Variants in TET2 observed in about 807,000 individuals in gnomAD.
TET2 encodes methylcytosine dioxygenase TET2.
A neutral mutation model predicts 142.9 loss-of-function variants in TET2; 299 were observed. The observed-to-expected ratio is 2.09, with a 90% confidence interval of 1.90 to 2.30. The LOEUF (loss-of-function observed/expected upper bound fraction) is 2.30. TET2 is among the 30% of genes most tolerant of loss of function. TET2 has a pLI of 0.00. For missense variants in TET2, 2,418 were observed against 2,378.0 expected, an observed-to-expected ratio of 1.02 and a Z score of -0.35; for synonymous variants, 819 against 849.0, an observed-to-expected ratio of 0.96 and a Z score of 0.61.
In TET2 at chr4:105,234,636, C is replaced by G. The variant is rs748785984; in HGVS notation, c.694C>G (p.Gln232Glu). The G allele has an allele frequency of 6.2e-7, 1 of 1,613,994 alleles. No homozygotes were observed. Among genetic ancestry groups the G allele is most frequent in the African/African-American group, 1.3e-5 (1 of 74,948 alleles). ...HGELLEKTLS[Q>E]YYPDCVSIAV... ...TGAACTCCTGGAAAAAACACTGTCT[C>G]AATATTATCCAGATTGTGTTTCCAT... is the stretch of plus-strand genomic sequence containing the variant. The change falls in exon 3 of 11, where the codon CAA (glutamine) becomes GAA (glutamate). Residue 232 changes from glutamine to glutamate, a missense_variant. Gln to Glu is a conservative substitution (Grantham distance 29). Transcript: ENST00000380013.
In TET2 at chr4:105,234,500, G is replaced by A. The variant is rs1289529567; in HGVS notation, c.558G>A (p.Glu186=). Residue 186 remains glutamate (E), a synonymous_variant, in exon 3 of 11, where the codon GAG becomes GAA. Transcript: ENST00000380013. ...NPELQILNEQ[E]GKSANYHDKN... is the part of the protein sequence containing the mutation. Reference sequence around the variant, plus strand: ...AGCTTCAGATTCTGAATGAGCAGGAGGGGAAAAGTGCTAATTACCATGACA... The same window carrying A: ...AGCTTCAGATTCTGAATGAGCAGGAAGGGAAAAGTGCTAATTACCATGACA... The A allele has an allele frequency of 1.5e-5, 24 of 1,614,040 alleles. No homozygotes were observed. The Admixed American group carries it at 3.3e-4, about 22-fold the overall frequency.
intron 2 of TET2, among the ~76,000 whole-genome samples, chr4:105,218,734 G>A (rs1460073720): frequency 6.6e-6 from 1 of 151,978 alleles, no homozygotes; most frequent in Non-Finnish European, 1.5e-5. Flanking sequence ...GTAGGTATAT[G>A]TCTTGTCTTC....
rs1279575206 is a variant in TET2, at chr4:105,259,761, C to A, written c.3946C>A (p.Pro1316Thr). The change falls in exon 7 of 11, where the codon CCA becomes ACA. Residue 1316 changes from proline to threonine, a missense_variant. Pro to Thr is a conservative substitution (Grantham distance 38). Transcript: ENST00000380013. Reference protein sequence around the residue: ...PRKFKLLGDDPKEEEKLESHL... With the variant: ...PRKFKLLGDDTKEEEKLESHL... ...GAAGTTTAAGCTGCTTGGGGATGAC[C>A]CAAAAGAGGTTTGTTTACTTCCTGA... 2 of 1,549,926 alleles carry A rather than the reference C, an allele frequency of 1.3e-6. No individual in the cohort carries two copies. The highest frequency in any genetic ancestry group is 2.7e-5 in the African/African-American group (2 of 72,916).
At chr4:105,180,560 C>A (rs1305112254) in intron 1 of TET2, among the ~76,000 whole-genome samples, 1 of 152,110 alleles carries the variant, frequency 6.6e-6, no homozygotes, top group African/African-American at 2.4e-5. Context: ...ACTTAAAAAA[C>A]CTTTCTAAAA....
At chr4:105,241,317 TA>T (rs1458656738) in intron 3 of TET2, 21 bp from the exon 4 acceptor site, 6 of 1,530,310 alleles carry the variant, frequency 3.9e-6, no homozygotes, top group Non-Finnish European at 8.8e-7. Flanking sequence ...TCTAAAATAA[TA>T]ATCTTCTATT....
chr4:105,268,257 A>G (rs1449906910), intron 8 of TET2, among the ~76,000 whole-genome samples: 1 of 152,224 alleles, frequency 6.6e-6, no homozygotes, highest in Non-Finnish European at 1.5e-5. Context: ...GTGTATTTTT[A>G]TATACTAGCA....
Position 105,276,121 on chromosome 4 carries a change from A to G in TET2, c.5611A>G (p.Ile1871Val), listed in dbSNP as rs1221770910. Residue 1871 changes from isoleucine to valine, a missense_variant, in exon 11 of 11, where the codon ATT (isoleucine) becomes GTT (valine). By Grantham distance (29) the Ile-to-Val change is conservative (BLOSUM62 3). Transcript: ENST00000380013. ...GGCCGTGGCTCCAACTCATGGGTCA[A>G]TTCTCATTGAGTGTGCAAAGCGTGA... ...GVAVAPTHGS[I>V]LIECAKRELH... 5 of 1,551,500 alleles carry G rather than the reference A, an allele frequency of 3.2e-6. No homozygotes were observed. The highest frequency in any genetic ancestry group is 1.2e-5 in the South Asian group (1 of 84,066).
chr4:105,241,105 C>G (rs1422980698), intron 3 of TET2: 2 of 1,101,156 alleles, frequency 1.8e-6, no homozygotes, highest in Non-Finnish European at 2.3e-6. Context: ...AATTTTTTAT[C>G]CCATATCTGA....
chr4:105,159,671 G>A (rs1723745888), intron 1 of TET2, among the ~76,000 whole-genome samples: 1 of 152,158 alleles, frequency 6.6e-6, no homozygotes, highest in Non-Finnish European at 1.5e-5. Flanking sequence ...CAGTGCTCTT[G>A]TAATTTACGT....
At chr4:105,146,452 C>G (rs1370220138), upstream of TET2, 1 of 152,462 alleles carries the variant, frequency 6.6e-6, no homozygotes, top group African/African-American at 2.4e-5. Context: ...TCCGGGCGCA[C>G]CACTCCCCCC....
At position 105,234,075 on chromosome 4, in the gene TET2, C is replaced by G; in HGVS notation, c.133C>G (p.His45Asp). Reference sequence around the variant, plus strand: ...TGGAAGCCCACTGCCTGAGAGAGCTCATCCAGAAGTAAATGGAGACACCAA... The same window carrying G: ...TGGAAGCCCACTGCCTGAGAGAGCTGATCCAGAAGTAAATGGAGACACCAA... Reference protein sequence around the residue: ...QNGSPLPERAHPEVNGDTKWH... With the variant: ...QNGSPLPERADPEVNGDTKWH... The change falls in exon 3 of 11, where the codon CAT (histidine) becomes GAT (aspartate). Residue 45 changes from histidine to aspartate, a missense_variant. His to Asp is a moderately conservative substitution (Grantham distance 81). Transcript: ENST00000380013. 6.2e-7 allele frequency: 1 copy of G among 1,614,052 alleles called. No individual in the cohort carries two copies. Among genetic ancestry groups the G allele is most frequent in the Non-Finnish European group, 8.5e-7 (1 of 1,179,996 alleles).
At chr4:105,254,272 G>T (rs1005779776) in intron 6 of TET2, among the ~76,000 whole-genome samples, 1 of 152,104 alleles carries the variant, frequency 6.6e-6, no homozygotes, top group African/African-American at 2.4e-5. Context: ...AAAAGTTATT[G>T]CTGATTCAAT....
intron 1 of TET2, among the ~76,000 whole-genome samples, chr4:105,173,560 T>TA (rs987890200): frequency 1.3e-5 from 2 of 151,836 alleles, no homozygotes; most frequent in East Asian, 1.9e-4. Context: ...TCAATCTTAC[T>TA]AAAAAACTGC....
chr4:105,201,884 G>A (rs1726497875), intron 2 of TET2, among the ~76,000 whole-genome samples: 1 of 151,582 alleles, frequency 6.6e-6, no homozygotes, highest in African/African-American at 2.4e-5. Context: ...TGAGACCACA[G>A]GGGCATGCCA....
chr4:105,248,123 A>C lies in TET2; in HGVS notation c.3803+4345A>C, dbSNP rs181541751. Reference sequence around the variant, plus strand: ...ATCTTATTTATATACATCAGGAGACACATAATGTCTGTTTGTTTCCCATTT... The same window carrying C: ...ATCTTATTTATATACATCAGGAGACCCATAATGTCTGTTTGTTTCCCATTT... On this transcript the variant is annotated intron_variant, in intron 6 of 10. Transcript: ENST00000380013. Among the ~76,000 whole-genome samples, 38 of 152,308 alleles carry C rather than the reference A, an allele frequency of 2.5e-4. No individual in the cohort carries two copies. In the East Asian group the frequency reaches 7.3e-3, roughly 29 times the overall value.
Position 105,206,617 on chromosome 4 carries a change from G to A in TET2, c.-47+16112G>A, listed in dbSNP as rs571646981. Among the ~76,000 whole-genome samples the A allele has an allele frequency of 1.5e-3, 222 of 152,272 alleles. 4 individuals carry two copies. The South Asian group carries it at 0.044, about 30-fold the overall frequency. On this transcript the variant is annotated intron_variant, in intron 2 of 10. Transcript: ENST00000380013. ...GGACTGGGATTGGGCTCTTAGTGAT[G>A]ACTTTTAATGTGGATTCATCTGCAT...
At chr4:105,245,761 C>T (rs1247158466) in intron 6 of TET2, among the ~76,000 whole-genome samples, 1 of 152,158 alleles carries the variant, frequency 6.6e-6, no homozygotes, top group African/African-American at 2.4e-5. Context: ...TTGGTAATAG[C>T]ATTTCTTTCA....
At chr4:105,190,537 G>A (rs985870163) in intron 2 of TET2, 32 bp downstream of exon 2, 1 of 697,094 alleles carries the variant, frequency 1.4e-6, no homozygotes, top group African/African-American at 1.8e-5. Context: ...ACACTTGTTT[G>A]TCAAGTATGA....
intron 6 of TET2, among the ~76,000 whole-genome samples, chr4:105,257,890 TA>T (rs1297420695): frequency 6.6e-6 from 1 of 152,182 alleles, no homozygotes; most frequent in East Asian, 1.9e-4. Context: ...TTAGATAAAG[TA>T]AAGATAACCT....
Sources: allele counts gnomAD v4.1 joint callset (sites outside exome capture counted in the v4.1 genomes callset), GRCh38; gene constraint gnomAD v4.1.1; transcripts MANE v1.5; gene names NCBI Gene and HGNC (gene_info 2026-07-23, HGNC 2026-07-21).